Variants in POLR3E observed in about 807,000 individuals in gnomAD.
POLR3E encodes RNA polymerase III subunit E.
In POLR3E, 41 loss-of-function variants were observed where a neutral mutation model predicts 96.6. That is an observed-to-expected ratio of 0.42 (90% CI 0.33 to 0.55). POLR3E has a LOEUF of 0.55. Among genes scored for constraint, POLR3E ranks in the 20% least tolerant of loss-of-function variants. The pLI is 0.06. For missense variants in POLR3E, 849 were observed against 952.1 expected, an observed-to-expected ratio of 0.89 and a Z score of 1.43; for synonymous variants, 396 against 383.6, an observed-to-expected ratio of 1.03 and a Z score of -0.38.
intron 18 of POLR3E, 53 bp from the exon 19 acceptor site, chr16:22,328,457 A>G (rs1022318158): frequency 6.7e-7 from 1 of 1,484,690 alleles, no homozygotes; most frequent in African/African-American, 1.4e-5. Context: ...AGGCAAGCAA[A>G]TGGATCCATG....
At chr16:22,326,563 TG>T in intron 18 of POLR3E, 1 of 527,546 alleles carries the variant, frequency 1.9e-6, no homozygotes. Flanking sequence ...GGCCCCTGCC[TG>T]GTTTCTCACC....
intron 1 of POLR3E, among the ~76,000 whole-genome samples, chr16:22,299,994 C>G (rs1345658609): frequency 6.6e-6 from 1 of 152,162 alleles, no homozygotes; most frequent in Non-Finnish European, 1.5e-5. Flanking sequence ...GGATTACCGG[C>G]ATGAGCCACC....
chr16:22,326,011 G>A lies in POLR3E; in HGVS notation c.1599G>A (p.Gly533=). 6.3e-7 allele frequency: 1 copy of A among 1,598,108 alleles called. No individual in the cohort carries two copies. The highest frequency in any genetic ancestry group is 8.5e-7 in the Non-Finnish European group (1 of 1,171,140). The stretch of plus-strand genomic sequence containing the variant: ...GCCTCCACAGCAAGCTGGCCAACGG[G>A]CTGCCTCTCGGGCGGGCTGCGGGCA... ...PSGLHSKLAN[G]LPLGRAAGTD... is the part of the protein sequence containing the mutation. The change falls in exon 18 of 21, where the codon GGG becomes GGA. Residue 533 remains glycine (G), a synonymous_variant. Coordinates refer to ENST00000299853, the MANE Select transcript of POLR3E (RefSeq NM_018119.4).
rs149566181 is a variant in POLR3E at position 22,324,603 on chromosome 16, A to G, written c.1229A>G (p.Lys410Arg). 2 of 1,613,808 alleles carry G rather than the reference A, an allele frequency of 1.2e-6. No homozygotes were observed. Among genetic ancestry groups the G allele is most frequent in the Non-Finnish European group, 1.7e-6 (2 of 1,179,918 alleles). ...FILPYDGEFI[K>R]KHPDVVQRQH... ...CTGCCTTATGATGGGGAGTTCATCA[A>G]GAAGCACCCGGATGTGGTCCAGCGG... Residue 410 changes from lysine (K) to arginine (R), a missense_variant, in exon 16 of 21, where the codon AAG becomes AGG. Transcript: ENST00000299853.
Position 22,334,145 on chromosome 16 carries a change from T to C in POLR3E, c.*445T>C, listed in dbSNP as rs777262148. 1.9e-5 allele frequency: 3 copies of C among 155,244 alleles called. No homozygotes were observed. Among genetic ancestry groups the C allele is most frequent in the Non-Finnish European group, 4.3e-5 (3 of 70,132 alleles). 9.6% of individuals were successfully genotyped at this position (155,244 alleles called of 1,614,324 possible). On this transcript the variant is annotated 3_prime_UTR_variant, in exon 21 of 21. Coordinates refer to ENST00000299853, the MANE Select transcript of POLR3E (RefSeq NM_018119.4). ...AATGCCTAGAAGACAATATTTAGTCTTGGATTATCTATCTGCTAAGACCTC... is the reference window on the plus strand; with the variant it reads ...AATGCCTAGAAGACAATATTTAGTCCTGGATTATCTATCTGCTAAGACCTC...
rs536043041 is a variant in POLR3E at position 22,325,959 on chromosome 16, A to C, written c.1547A>C (p.Glu516Ala). 6.3e-7 allele frequency: 1 copy of C among 1,592,304 alleles called. No homozygotes were observed. The highest frequency in any genetic ancestry group is 2.3e-5 in the East Asian group (1 of 43,806). Residue 516 changes from glutamate to alanine, a missense_variant, in exon 18 of 21, where the codon GAG (glutamate) becomes GCG (alanine). By Grantham distance (107) the Glu-to-Ala change is moderately radical (BLOSUM62 -1). Transcript: ENST00000299853. ...GEEDEEQEAE[E>A]EPMDTSPSGL... ...GAGGACGAGGAGCAGGAGGCGGAGGAGGAGCCCATGGACACTTCCCCCAGC... is the reference window on the plus strand; with the variant it reads ...GAGGACGAGGAGCAGGAGGCGGAGGCGGAGCCCATGGACACTTCCCCCAGC...
At chr16:22,331,786 G>A in intron 19 of POLR3E, 1 of 292,704 alleles carries the variant, frequency 3.4e-6, no homozygotes, top group Non-Finnish European at 6.5e-6. Context: ...CTCTTCACCA[G>A]TTCTTTTGTT....
chr16:22,326,676 GA>G (rs549121178), intron 18 of POLR3E: 18 of 304,906 alleles, frequency 5.9e-5, no homozygotes, highest in Admixed American at 4.7e-4. Context: ...TGCAGATGAA[GA>G]AACTGAGGCT....
chr16:22,314,774 G>A (rs985555190), intron 8 of POLR3E: 4 of 222,810 alleles, frequency 1.8e-5, no homozygotes, highest in South Asian at 8.8e-5. Context: ...ACTCCCTTCC[G>A]CTCTGGGGAA....
rs764672973 is a variant in POLR3E, at chr16:22,325,854, G to A, written c.1442G>A (p.Arg481Gln). ...NHALLERELQRRKEQLRVPAV... is the reference protein window; with the variant it reads ...NHALLERELQQRKEQLRVPAV... Reference sequence around the variant, plus strand: ...GCGTTGCTGGAGCGGGAGCTGCAGCGGCGGAAGGAGCAGCTGCGGGTGCCT... The same window carrying A: ...GCGTTGCTGGAGCGGGAGCTGCAGCAGCGGAAGGAGCAGCTGCGGGTGCCT... The change falls in exon 18 of 21, where the codon CGG (arginine) becomes CAG (glutamine). Residue 481 changes from arginine (R) to glutamine (Q), a missense_variant. Arg to Gln is a conservative substitution (Grantham distance 43). Transcript: ENST00000299853. 3.7e-5 allele frequency: 60 copies of A among 1,612,012 alleles called. No homozygotes were observed. Among genetic ancestry groups the A allele is most frequent in the Non-Finnish European group, 4.7e-5 (55 of 1,179,500 alleles).
At chr16:22,310,799 T>G (rs1341419826) in intron 6 of POLR3E, among the ~76,000 whole-genome samples, 5 of 151,910 alleles carry the variant, frequency 3.3e-5, no homozygotes, top group Non-Finnish European at 7.4e-5. Flanking sequence ...GGCACATCCC[T>G]TAGTCCCAGC....
At chr16:22,312,828 C>T (rs1194828728) in intron 6 of POLR3E, among the ~76,000 whole-genome samples, 1 of 139,058 alleles carries the variant, frequency 7.2e-6, no homozygotes, top group African/African-American at 2.8e-5. Flanking sequence ...GATCATGGCA[C>T]TGCACTCTGC....
chr16:22,328,668 C>A, intron 19 of POLR3E, 81 bp downstream of exon 19: 2 of 1,107,226 alleles, frequency 1.8e-6, no homozygotes, highest in South Asian at 1.2e-5. Flanking sequence ...GACATGTGCA[C>A]CCAAAGTGCA....
In POLR3E at chr16:22,302,846, C is replaced by A. The variant is rs769767909; in HGVS notation, c.-38-85C>A. The A allele has an allele frequency of 1.5e-4, 137 of 912,964 alleles. No individual in the cohort carries two copies. The Middle Eastern group carries it at 2.2e-3, about 14-fold the overall frequency. 56.6% of individuals were successfully genotyped at this position (912,964 alleles called of 1,614,324 possible). A position where few individuals can be genotyped will look rare whatever the true frequency, so the allele number is the denominator to read the frequency against. ...AGTTGGTTGGTTGTGGGCTCCCCCT[C>A]CCAGTGCAGGGCCTGTTGCAGAATA... On this transcript the variant is annotated intron_variant, in intron 1 of 20. Coordinates refer to ENST00000299853, the MANE Select transcript of POLR3E (RefSeq NM_018119.4).
intron 6 of POLR3E, 113 bp downstream of exon 6, chr16:22,309,623 C>T: frequency 1.2e-6 from 1 of 804,494 alleles, no homozygotes. Flanking sequence ...AGCTAGACAC[C>T]TGTGGGGGCC....
At chr16:22,302,168 G>A (rs554712425) in intron 1 of POLR3E, among the ~76,000 whole-genome samples, 14 of 151,890 alleles carry the variant, frequency 9.2e-5, no homozygotes, top group African/African-American at 1.7e-4. Context: ...TCTTCCAGGC[G>A]CACCTAACGT....
intron 13 of POLR3E, among the ~76,000 whole-genome samples, chr16:22,319,725 C>T (rs1049684690): frequency 2.0e-5 from 3 of 152,096 alleles, no homozygotes; most frequent in African/African-American, 4.8e-5. Flanking sequence ...TAAATTGACA[C>T]ATAATGTACA....
At position 22,315,948 on chromosome 16, in the gene POLR3E, G is replaced by A. The variant is rs550112613; in HGVS notation, c.643-653G>A. 8.5e-5 allele frequency among the ~76,000 whole-genome samples: 13 copies of A among 152,202 alleles called. No homozygotes were observed. In the South Asian group the frequency reaches 2.1e-3, roughly 24 times the overall value. ...CTCCCTAAGTGCTGGGATTACAGGCGTGAGCCACGACCACCTGGCCCTGGT... is the reference window on the plus strand; with the variant it reads ...CTCCCTAAGTGCTGGGATTACAGGCATGAGCCACGACCACCTGGCCCTGGT... On this transcript the variant is annotated intron_variant, in intron 9 of 20. Coordinates refer to ENST00000299853, the MANE Select transcript of POLR3E (RefSeq NM_018119.4).
rs185314621 is a variant in POLR3E, at chr16:22,330,304, C to T, written c.1944+1717C>T. On this transcript the variant is annotated intron_variant, in intron 19 of 20. Coordinates refer to ENST00000299853, the MANE Select transcript of POLR3E (RefSeq NM_018119.4). ...CCCACCATGTTGGCCAGGCTGGTCT[C>T]GAACTCCTGGCCTCAAATGATCTGC... is the stretch of plus-strand genomic sequence containing the variant. 2.3e-4 allele frequency among the ~76,000 whole-genome samples: 35 copies of T among 151,770 alleles called. No individual in the cohort carries two copies. In the South Asian group the frequency reaches 5.4e-3, roughly 24 times the overall value.
Sources: allele counts gnomAD v4.1 joint callset (sites outside exome capture counted in the v4.1 genomes callset), GRCh38; gene constraint gnomAD v4.1.1; transcripts MANE v1.5; gene names NCBI Gene and HGNC (gene_info 2026-07-23, HGNC 2026-07-21).